WWOX: variants seen among roughly 807,000 people sequenced by gnomAD.
The protein encoded by WWOX is WW domain containing oxidoreductase.
WWOX carries 69 observed loss-of-function variants against 46.2 expected under a neutral mutation model. That is an observed-to-expected ratio of 1.49 (90% CI 1.23 to 1.82). The LOEUF is 1.82. Ranked by LOEUF, WWOX falls within the 40% of genes most tolerant of loss-of-function variation. WWOX has a pLI of 0.00. For missense variants in WWOX, 919 were observed against 542.6 expected (o/e 1.69, Z -6.89); for synonymous variants, 359 against 202.6 (o/e 1.77, Z -6.56).
intron 8 of WWOX, among the ~76,000 whole-genome samples, chr16:78,584,062 G>A (rs752554920): frequency 2.0e-5 from 3 of 152,206 alleles, no homozygotes; most frequent in East Asian, 3.8e-4. Flanking sequence ...TGTGATCACA[G>A]TGTGTAATTA....
intron 8 of WWOX, among the ~76,000 whole-genome samples, chr16:78,820,077 C>T (rs1036281922): frequency 6.6e-6 from 1 of 152,168 alleles, no homozygotes; most frequent in African/African-American, 2.4e-5. Context: ...TCATCGTTAT[C>T]ATTCCTTTGA....
intron 8 of WWOX, among the ~76,000 whole-genome samples, chr16:78,851,639 T>C (rs972735339): frequency 7.9e-5 from 12 of 152,350 alleles, no homozygotes; most frequent in East Asian, 3.9e-4. Context: ...GTCAGACACA[T>C]AGAGATGCTC....
chr16:78,144,450 C>CACACACATATATATAT (rs1171090089), intron 4 of WWOX, among the ~76,000 whole-genome samples: 1 of 24,924 alleles, frequency 4.0e-5, no homozygotes, highest in Non-Finnish European at 7.7e-5. Flanking sequence ...TATATATACA[C>CACACACATATATATAT]ATATATATAT....
intron 8 of WWOX, among the ~76,000 whole-genome samples, chr16:78,685,148 A>AT (rs1327144298): frequency 6.6e-6 from 1 of 152,032 alleles, no homozygotes. Context: ...CAGAGTTTCC[A>AT]TTCTGTTTTT....
intron 5 of WWOX, among the ~76,000 whole-genome samples, chr16:78,348,205 C>G (rs911740708): frequency 8.2e-6 from 1 of 121,578 alleles, no homozygotes; most frequent in East Asian, 1.9e-4. Flanking sequence ...TTCTTCTTAA[C>G]AAGGCAGAAG....
chr16:79,065,684 G>A (rs892294348), intron 8 of WWOX, among the ~76,000 whole-genome samples: 1 of 152,152 alleles, frequency 6.6e-6, no homozygotes, highest in Non-Finnish European at 1.5e-5. Context: ...TAACCTTGTG[G>A]CCTTTTAGGA....
chr16:78,678,945 C>T (rs1335583042), intron 8 of WWOX, among the ~76,000 whole-genome samples: 1 of 152,128 alleles, frequency 6.6e-6, no homozygotes, highest in African/African-American at 2.4e-5. Context: ...GTGGGCCTGG[C>T]ATACGGCATC....
chr16:78,353,196 A>G (rs967087216), intron 5 of WWOX, among the ~76,000 whole-genome samples: 1 of 152,128 alleles, frequency 6.6e-6, no homozygotes, highest in African/African-American at 2.4e-5. Context: ...GCAACTCTTC[A>G]TTGCTGCTTT....
chr16:78,959,884 A>G (rs918799541), intron 8 of WWOX, among the ~76,000 whole-genome samples: 19 of 152,302 alleles, frequency 1.2e-4, no homozygotes, highest in East Asian at 3.9e-4. Flanking sequence ...ATTTAATTGG[A>G]TAAGGATACA....
chr16:78,115,554 A>G (rs975537149), intron 4 of WWOX, among the ~76,000 whole-genome samples: 4 of 152,344 alleles, frequency 2.6e-5, no homozygotes, highest in South Asian at 4.1e-4. Context: ...GGAACAAAGG[A>G]TACTACAGGT....
chr16:78,916,100 C>T (rs960753526), intron 8 of WWOX, among the ~76,000 whole-genome samples: 9 of 152,130 alleles, frequency 5.9e-5, no homozygotes, highest in Non-Finnish European at 5.9e-5. Flanking sequence ...TGGTCAGATT[C>T]CCAGCACAGT....
At chr16:78,331,434 A>G (rs1336808423) in intron 5 of WWOX, among the ~76,000 whole-genome samples, 3 of 152,218 alleles carry the variant, frequency 2.0e-5, no homozygotes, top group Non-Finnish European at 4.4e-5. Flanking sequence ...ACTTCATGAC[A>G]GTGTCTTATT....
At chr16:79,177,090 G>T (rs1488287617) in intron 8 of WWOX, among the ~76,000 whole-genome samples, 2 of 152,166 alleles carry the variant, frequency 1.3e-5, no homozygotes, top group Non-Finnish European at 2.9e-5. Context: ...ATATAAAATT[G>T]AAATGGCTTC....
chr16:78,526,941 G>C (rs1314560704), intron 8 of WWOX, among the ~76,000 whole-genome samples: 1 of 152,170 alleles, frequency 6.6e-6, no homozygotes, highest in Non-Finnish European at 1.5e-5. Context: ...GAGGCAGGTG[G>C]ATCACCTGAG....
At chr16:78,929,212 A>G (rs1454901937) in intron 8 of WWOX, among the ~76,000 whole-genome samples, 1 of 152,076 alleles carries the variant, frequency 6.6e-6, no homozygotes, top group Non-Finnish European at 1.5e-5. Flanking sequence ...TTATTTTCAT[A>G]AACTCTTCAG....
At chr16:78,125,033 T>G (rs558673144) in intron 4 of WWOX, among the ~76,000 whole-genome samples, 15 of 152,322 alleles carry the variant, frequency 9.8e-5, no homozygotes, top group African/African-American at 3.6e-4. Context: ...TCTTCTGTAG[T>G]TGCACAGAAA....
intron 4 of WWOX, among the ~76,000 whole-genome samples, chr16:78,155,571 G>A (rs1047293706): frequency 5.3e-5 from 8 of 152,288 alleles, no homozygotes; most frequent in Non-Finnish European, 1.2e-4. Flanking sequence ...GCTGTTCATT[G>A]CTTTAAAACG....
chr16:79,045,828 G>A (rs1465034330), intron 8 of WWOX, among the ~76,000 whole-genome samples: 7 of 88,726 alleles, frequency 7.9e-5, no homozygotes, highest in African/African-American at 2.9e-4. Flanking sequence ...TTGAGATGGA[G>A]TCTCACTCTG....
chr16:78,547,978 C>G (rs768122811), intron 8 of WWOX, among the ~76,000 whole-genome samples: 59 of 151,604 alleles, frequency 3.9e-4, no homozygotes, highest in Non-Finnish European at 6.9e-4. Context: ...GTGGTGAAAC[C>G]CCGTCTTTTC....
Sources: allele counts gnomAD v4.1 joint callset (sites outside exome capture counted in the v4.1 genomes callset), GRCh38; gene constraint gnomAD v4.1.1; transcripts MANE v1.5; gene names NCBI Gene and HGNC (gene_info 2026-07-23, HGNC 2026-07-21).